Variants in KCNS3 observed in about 807,000 individuals in gnomAD.
The protein encoded by KCNS3 is delayed-rectifier potassium channel regulatory subunit KCNS3.
A neutral mutation model predicts 31.0 loss-of-function variants in KCNS3; 13 were observed. The ratio of observed to expected loss-of-function variants is 0.42; its 90% CI spans 0.27 to 0.67. KCNS3 has a LOEUF of 0.67. Among genes scored for constraint, KCNS3 ranks in the 30% least tolerant of loss-of-function variants. KCNS3 has a pLI of 0.25. For missense variants in KCNS3, 545 were observed against 622.4 expected, an observed-to-expected ratio of 0.88 and a Z score of 1.32; for synonymous variants, 238 against 241.5, an observed-to-expected ratio of 0.99 and a Z score of 0.13.
chr2:17,931,247 T>C lies in KCNS3; in HGVS notation c.239T>C (p.Leu80Ser), dbSNP rs1193973899. 1.9e-6 allele frequency: 3 copies of C among 1,614,210 alleles called. No homozygotes were observed. Among genetic ancestry groups the C allele is most frequent in the Non-Finnish European group, 2.5e-6 (3 of 1,180,042 alleles). ...AATCCCTCCTTGTTCAGATATGTTT[T>C]GAATTTTTATTACACGGGGAAGCTG... ...DRNPSLFRYVLNFYYTGKLHV... is the reference protein window; with the variant it reads ...DRNPSLFRYVSNFYYTGKLHV... The change falls in exon 3 of 3, where the codon TTG (leucine) becomes TCG (serine). Residue 80 changes from leucine to serine, a missense_variant. By Grantham distance (145) the Leu-to-Ser change is moderately radical. Coordinates refer to ENST00000304101, the MANE Select transcript of KCNS3 (RefSeq NM_002252.5). The surrounding 1 kb of genome is among the most constrained non-coding windows in gnomAD (Gnocchi z 5.4).
intron 2 of KCNS3, among the ~76,000 whole-genome samples, chr2:17,924,675 T>C (rs1662795762): frequency 6.6e-6 from 1 of 151,686 alleles, no homozygotes; most frequent in Admixed American, 6.6e-5. Context: ...ACACGTTAAG[T>C]TAACCTTAAA....
chr2:17,903,614 C>A (rs1028507285), intron 1 of KCNS3, among the ~76,000 whole-genome samples: 125 of 151,884 alleles, frequency 8.2e-4, no homozygotes, highest in Middle Eastern at 3.2e-3. Flanking sequence ...CCCTTCCCCC[C>A]ACCCCACAAC....
chr2:17,912,861 C>T (rs1265568005), intron 1 of KCNS3, among the ~76,000 whole-genome samples: 1 of 152,162 alleles, frequency 6.6e-6, no homozygotes. Flanking sequence ...ATATTAGACC[C>T]TGAGAAGTTT....
At chr2:17,900,781 C>A (rs990724142) in intron 1 of KCNS3, among the ~76,000 whole-genome samples, 1 of 152,090 alleles carries the variant, frequency 6.6e-6, no homozygotes, top group Non-Finnish European at 1.5e-5. Flanking sequence ...TGAACCACCG[C>A]GTCTGGCTGT....
At chr2:17,915,970 C>T (rs1662579008) in intron 1 of KCNS3, among the ~76,000 whole-genome samples, 1 of 152,146 alleles carries the variant, frequency 6.6e-6, no homozygotes, top group African/African-American at 2.4e-5. Context: ...AGGCCCATTA[C>T]ATACCAGTGC....
Position 17,931,374 on chromosome 2 carries a change from G to A in KCNS3, c.366G>A (p.Gln122=), listed in dbSNP as rs1227135284. 6.2e-7 allele frequency: 1 copy of A among 1,613,984 alleles called. No homozygotes were observed. The highest frequency in any genetic ancestry group is 1.1e-5 in the South Asian group (1 of 91,084). The change falls in exon 3 of 3, where the codon CAG becomes CAA. Residue 122 remains glutamine, a synonymous_variant. Transcript: ENST00000304101. This position sits in a 1 kb window ranked among gnomAD's most constrained non-coding sequence, Gnocchi z 5.4. ...ATTCTTGCTGCAGCAATCGCTACCAGGAACGCAAGGAGGAAAACCACGAGA... is the reference window on the plus strand; with the variant it reads ...ATTCTTGCTGCAGCAATCGCTACCAAGAACGCAAGGAGGAAAACCACGAGA... ...FIDSCCSNRY[Q]ERKEENHEKD...
chr2:17,930,138 T>G (rs1319682637), intron 2 of KCNS3, among the ~76,000 whole-genome samples: 1 of 152,014 alleles, frequency 6.6e-6, no homozygotes, highest in Non-Finnish European at 1.5e-5. Flanking sequence ...GGAAAGATAA[T>G]TATAGATTAG....
intron 2 of KCNS3, among the ~76,000 whole-genome samples, chr2:17,926,341 G>T (rs542228017): frequency 6.6e-6 from 1 of 152,184 alleles, no homozygotes; most frequent in African/African-American, 2.4e-5. Context: ...CCATTCTGGG[G>T]TCAGGAGGAC....
intron 1 of KCNS3, among the ~76,000 whole-genome samples, chr2:17,906,548 A>G (rs1033539269): frequency 2.0e-5 from 3 of 151,852 alleles, no homozygotes; most frequent in African/African-American, 7.3e-5. Context: ...TTTAATTGTG[A>G]TGTTAGGTTG....
rs865950080 is a variant in KCNS3, at chr2:17,931,095, C to T, written c.87C>T (p.Asp29=). 1.9e-6 allele frequency: 3 copies of T among 1,614,164 alleles called. 1 individual carries two copies. The highest frequency in any genetic ancestry group is 2.7e-5 in the African/African-American group (2 of 75,048). ...TGGGGGGCTTTAAGCAGTCTGTTGA[C>T]CAAAGCACCCTCCTGCGGTTTCCTC... ...LNVGGFKQSV[D]QSTLLRFPHT... The change falls in exon 3 of 3, where the codon GAC becomes GAT. Residue 29 remains aspartate (D), a synonymous_variant. Transcript: ENST00000304101. This position sits in a 1 kb window ranked among gnomAD's most constrained non-coding sequence, Gnocchi z 5.4.
chr2:17,920,566 G>C (rs1662684742), intron 2 of KCNS3, among the ~76,000 whole-genome samples: 1 of 152,162 alleles, frequency 6.6e-6, no homozygotes, highest in African/African-American at 2.4e-5. Context: ...TTGGATTTTT[G>C]ACATATTCTT....
intron 2 of KCNS3, 62 bp from the exon 3 acceptor site, chr2:17,930,888 A>G (rs1252681410): frequency 2.6e-6 from 3 of 1,166,208 alleles, no homozygotes; most frequent in Non-Finnish European, 2.4e-6. Context: ...AGGGCAGATT[A>G]AAAATAAGCT....
chr2:17,908,694 T>C (rs1368328422), intron 1 of KCNS3, among the ~76,000 whole-genome samples: 1 of 152,264 alleles, frequency 6.6e-6, no homozygotes, highest in Non-Finnish European at 1.5e-5. Flanking sequence ...GACCCTCAGC[T>C]GCAGGTCTGT....
At chr2:17,926,004 A>G (rs959751512) in intron 2 of KCNS3, among the ~76,000 whole-genome samples, 1 of 152,252 alleles carries the variant, frequency 6.6e-6, no homozygotes, top group East Asian at 1.9e-4. Context: ...CAATGGGGGT[A>G]CAGGCATTGG....
At chr2:17,913,372 C>A (rs190013223) in intron 1 of KCNS3, among the ~76,000 whole-genome samples, 123 of 152,370 alleles carry the variant, frequency 8.1e-4, no homozygotes, top group African/African-American at 2.8e-3. Flanking sequence ...ATTCAGCAGG[C>A]TGAATAGCCT....
chr2:17,900,926 G>C (rs1240825496), intron 1 of KCNS3, among the ~76,000 whole-genome samples: 1 of 152,138 alleles, frequency 6.6e-6, no homozygotes, highest in Non-Finnish European at 1.5e-5. Context: ...AGCACAGAGT[G>C]TTTTATTTGT....
chr2:17,907,831 T>G lies in KCNS3; in HGVS notation c.-251-9849T>G, dbSNP rs1428325784. On this transcript the variant is annotated intron_variant, in intron 1 of 2. Transcript: ENST00000304101. ...GTAGAGTTTCTGCTAAGAGATCCGCTGTTAGTCTGATGGGTTTCCCTTTGT... is the reference window on the plus strand; with the variant it reads ...GTAGAGTTTCTGCTAAGAGATCCGCGGTTAGTCTGATGGGTTTCCCTTTGT... 2.6e-5 allele frequency among the ~76,000 whole-genome samples: 4 copies of G among 152,246 alleles called. No individual in the cohort carries two copies. The South Asian group carries it at 8.3e-4, about 31-fold the overall frequency.
At chr2:17,920,787 C>T (rs972973431) in intron 2 of KCNS3, among the ~76,000 whole-genome samples, 2 of 152,162 alleles carry the variant, frequency 1.3e-5, no homozygotes, top group Non-Finnish European at 2.9e-5. Context: ...TGATTTTAGA[C>T]CCCATGTGTC....
At chr2:17,898,368 G>GCATT (rs1163260487) in intron 1 of KCNS3, among the ~76,000 whole-genome samples, 2 of 151,584 alleles carry the variant, frequency 1.3e-5, no homozygotes, top group Admixed American at 6.6e-5. Flanking sequence ...GATAGGAATA[G>GCATT]CATTGAATCT....
Sources: allele counts gnomAD v4.1 joint callset (sites outside exome capture counted in the v4.1 genomes callset), GRCh38; gene constraint gnomAD v4.1.1; non-coding constraint Gnocchi (gnomAD v3.1); transcripts MANE v1.5; gene names NCBI Gene and HGNC (gene_info 2026-07-23, HGNC 2026-07-21).